NUDT13: variants seen among roughly 807,000 people sequenced by gnomAD.
The protein encoded by NUDT13 is NAD(P)H pyrophosphatase NUDT13, mitochondrial.
Under a neutral mutation model 41.7 loss-of-function variants are expected in NUDT13, and 40 were observed. That is an observed-to-expected ratio of 0.96 (90% CI 0.75 to 1.25). NUDT13 has a LOEUF of 1.25. Ranked by LOEUF, NUDT13 falls within the 50% of genes most tolerant of loss-of-function variation. The probability of loss-of-function intolerance (pLI) is 0.00; values close to 1 mark genes in which losing one functional copy is unlikely to be tolerated. For missense variants in NUDT13, 390 were observed against 416.1 expected (o/e 0.94, Z 0.55); for synonymous variants, 145 against 155.5 (o/e 0.93, Z 0.50).
At chr10:73,112,417 GT>G (rs1842388827) in intron 1 of NUDT13, among the ~76,000 whole-genome samples, 1 of 148,648 alleles carries the variant, frequency 6.7e-6, no homozygotes, top group African/African-American at 2.5e-5. Context: ...GTATGTCTGT[GT>G]CCTTTTTTTT....
intron 2 of NUDT13, among the ~76,000 whole-genome samples, chr10:73,116,206 G>T (rs1697737120): frequency 6.6e-6 from 1 of 151,682 alleles, no homozygotes; most frequent in Non-Finnish European, 1.5e-5. Context: ...GTAGGGTCTT[G>T]CTATGTTGCC....
At position 73,125,116 on chromosome 10, in the gene NUDT13, A is replaced by G. The variant is rs200770470; in HGVS notation, c.466-2A>G. The G allele has an allele frequency of 3.1e-6, 5 of 1,605,746 alleles. No individual in the cohort carries two copies. Among genetic ancestry groups the G allele is most frequent in the Non-Finnish European group, 3.4e-6 (4 of 1,177,490 alleles). On this transcript the variant is annotated splice_acceptor_variant, in intron 5 of 8. Transcript: ENST00000357321. LOFTEE classifies it high-confidence loss of function. ...ACACCAGGCCCATCATTGTGTTCCT[A>G]GGCTCAAGCTCTTCTCCGCTGGCAT...
At chr10:73,113,095 G>A (rs910173345) in intron 1 of NUDT13, among the ~76,000 whole-genome samples, 1 of 151,998 alleles carries the variant, frequency 6.6e-6, no homozygotes, top group Non-Finnish European at 1.5e-5. Flanking sequence ...CCATGTTGGT[G>A]AGGCTGGTCT....
In NUDT13 at chr10:73,114,619, A is replaced by C. The variant is rs190522150; in HGVS notation, c.83+171A>C. On this transcript the variant is annotated intron_variant, in intron 2 of 8. Transcript: ENST00000357321. ...TGTGTATATATATATATTCATATATATATATATTCATCCATGGTTTCTGGC... is the reference window on the plus strand; with the variant it reads ...TGTGTATATATATATATTCATATATCTATATATTCATCCATGGTTTCTGGC... Among the ~76,000 whole-genome samples, 588 of 150,646 alleles carry C rather than the reference A, an allele frequency of 3.9e-3. 4 individuals carry two copies. The highest frequency in any genetic ancestry group is 0.014 in the African/African-American group (555 of 41,104).
intron 4 of NUDT13, among the ~76,000 whole-genome samples, chr10:73,122,950 G>C (rs1167054507): frequency 1.3e-5 from 2 of 150,032 alleles, no homozygotes; most frequent in Non-Finnish European, 3.0e-5. Context: ...GCCCAGGCTG[G>C]AGTGCAATGG....
At chr10:73,123,935 C>G (rs1842709508) in intron 4 of NUDT13, among the ~76,000 whole-genome samples, 1 of 152,012 alleles carries the variant, frequency 6.6e-6, no homozygotes, top group African/African-American at 2.4e-5. Flanking sequence ...CCGTACCTGG[C>G]CTTTTTTAAA....
At chr10:73,113,610 T>C (rs1453533490) in intron 1 of NUDT13, among the ~76,000 whole-genome samples, 1 of 152,182 alleles carries the variant, frequency 6.6e-6, no homozygotes, top group East Asian at 1.9e-4. Context: ...TTTGTGTTCT[T>C]TAAGGGACCC....
At chr10:73,115,794 T>C (rs1842492941) in intron 2 of NUDT13, among the ~76,000 whole-genome samples, 1 of 151,936 alleles carries the variant, frequency 6.6e-6, no homozygotes, top group Non-Finnish European at 1.5e-5. Context: ...CCCACCCCCT[T>C]CCCCCAAGAA....
chr10:73,125,324 T>C, intron 6 of NUDT13, 74 bp from the exon 7 acceptor site: 1 of 1,603,228 alleles, frequency 6.2e-7, no homozygotes, highest in Non-Finnish European at 8.5e-7. Context: ...GTGCAATTCC[T>C]TAATTATACA....
At chr10:73,129,534 G>A (rs1162256102) in intron 8 of NUDT13, among the ~76,000 whole-genome samples, 1 of 152,044 alleles carries the variant, frequency 6.6e-6, no homozygotes, top group African/African-American at 2.4e-5. Context: ...GATGGTCTCT[G>A]CCTGCCAAAG....
At position 73,116,871 on chromosome 10, in the gene NUDT13, C is replaced by T. The variant is rs572688773; in HGVS notation, c.83+2423C>T. ...TTGCGTGTACTCCTTTAACAGACTA[C>T]AAGAATTTTTTTTTTTTTTTTTTTT... On this transcript the variant is annotated intron_variant, in intron 2 of 8. Transcript: ENST00000357321. Among the ~76,000 whole-genome samples, 10 of 135,606 alleles carry T rather than the reference C, an allele frequency of 7.4e-5. No individual in the cohort carries two copies. The East Asian group carries it at 1.7e-3, about 23-fold the overall frequency. The allele number at this position is 135,606 out of a possible 152,430, so 89.0% of individuals were successfully genotyped here.
In NUDT13 at chr10:73,126,779, C is replaced by T. The variant is rs766339167; in HGVS notation, c.810C>T (p.Gly270=). Residue 270 remains glycine (G), a synonymous_variant, in exon 8 of 9, where the codon GGC becomes GGT. Coordinates refer to ENST00000357321, the MANE Select transcript of NUDT13 (RefSeq NM_015901.6). ...CCCAGCATTGGCCCTTCCCTAGTGGCTCACTCATGATTGCTTGCCATGCAA... is the reference window on the plus strand; with the variant it reads ...CCCAGCATTGGCCCTTCCCTAGTGGTTCACTCATGATTGCTTGCCATGCAA... ...YASQHWPFPS[G]SLMIACHATV... is the part of the protein sequence containing the mutation. 2.5e-6 allele frequency: 4 copies of T among 1,614,168 alleles called. No homozygotes were observed. Among genetic ancestry groups the T allele is most frequent in the Non-Finnish European group, 3.4e-6 (4 of 1,180,014 alleles).
chr10:73,111,273 C>T (rs909063929), intron 1 of NUDT13, among the ~76,000 whole-genome samples: 3 of 152,076 alleles, frequency 2.0e-5, no homozygotes, highest in African/African-American at 4.8e-5. Context: ...CCACCGCGCC[C>T]GGCCTAAAAA....
At chr10:73,129,072 C>T (rs1017369811) in intron 8 of NUDT13, among the ~76,000 whole-genome samples, 4 of 151,652 alleles carry the variant, frequency 2.6e-5, no homozygotes, top group African/African-American at 4.9e-5. Flanking sequence ...TGACTGACTG[C>T]AGGATTGGTC....
At chr10:73,130,644 T>C in intron 8 of NUDT13, 59 bp from the exon 9 acceptor site, 5 of 1,376,364 alleles carry the variant, frequency 3.6e-6, no homozygotes, top group African/African-American at 1.4e-5. Flanking sequence ...CCTTTGGCCA[T>C]AGTATTCTAA....
intron 5 of NUDT13, chr10:73,124,876 CAT>C (rs1277823126): frequency 1.2e-5 from 5 of 410,518 alleles, no homozygotes; most frequent in African/African-American, 6.1e-5. Flanking sequence ...TCATATACTT[CAT>C]ATGTTTTAAA....
chr10:73,126,642 G>C (rs775178513), intron 7 of NUDT13, 31 bp from the exon 8 acceptor site: 1 of 1,612,452 alleles, frequency 6.2e-7, no homozygotes, highest in Non-Finnish European at 8.5e-7. Context: ...TAGCCTACAG[G>C]GCTGTCCTGA....
In NUDT13 at chr10:73,114,354, A is replaced by G. The variant is rs777536967; in HGVS notation, c.-9-3A>G. 7.3e-7 allele frequency: 1 copy of G among 1,367,140 alleles called. No individual in the cohort carries two copies. Among genetic ancestry groups the G allele is most frequent in the Admixed American group, 2.2e-5 (1 of 44,666 alleles). 84.7% of individuals were successfully genotyped at this position (1,367,140 alleles called of 1,614,324 possible). ...TTTAAAACTCCTTTTTTTTTTTTTT[A>G]AGGACCTGACAATGTCCCTGTATTG... On this transcript the variant is annotated splice_region_variant and splice_polypyrimidine_tract_variant and intron_variant, in intron 1 of 8. Transcript: ENST00000357321.
chr10:73,120,187 C>A (rs990268278), intron 3 of NUDT13, 30 bp downstream of exon 3: 1 of 1,606,704 alleles, frequency 6.2e-7, no homozygotes, highest in Non-Finnish European at 8.5e-7. Context: ...GTGGCGTTGA[C>A]CAGCCTGTGG....
Sources: gnomAD v4.1 joint callset for allele counts (sites outside exome capture counted in the v4.1 genomes callset) on GRCh38, gnomAD v4.1.1 for gene constraint, MANE v1.5 for transcripts, NCBI Gene and HGNC (gene_info 2026-07-23, HGNC 2026-07-21) for gene names.